GSK3B: variants seen among roughly 807,000 people sequenced by gnomAD.
GSK3B encodes the protein glycogen synthase kinase 3 beta.
GSK3B carries 15 observed loss-of-function variants against 56.4 expected under a neutral mutation model. The ratio of observed to expected loss-of-function variants is 0.27; its 90% CI spans 0.18 to 0.41. The LOEUF (loss-of-function observed/expected upper bound fraction) is 0.41. Ranked by LOEUF, GSK3B falls within the 10% of genes least tolerant of loss-of-function variation. The probability of loss-of-function intolerance (pLI) is 1.00; values close to 1 mark genes in which losing one functional copy is unlikely to be tolerated. For synonymous variants in GSK3B, 181 were observed against 188.9 expected, an observed-to-expected ratio of 0.96 and a Z score of 0.34; for missense variants, 300 against 513.4, an observed-to-expected ratio of 0.58 and a Z score of 4.02.
In GSK3B at chr3:119,935,453, AG is replaced by A. The variant is rs1373548450; in HGVS notation, c.366+11814del. Among the ~76,000 whole-genome samples, 3 of 152,174 alleles carry A rather than the reference AG, an allele frequency of 2.0e-5. No individual in the cohort carries two copies. In the East Asian group the frequency reaches 5.8e-4, roughly 29 times the overall value. The stretch of plus-strand genomic sequence containing the variant: ...ACAACAAAATTATTTTTATACTAGG[AG>A]GCTGACCTTGACCTAATCATATATG... On this transcript the variant is annotated intron_variant, in intron 3 of 10. Transcript: ENST00000264235.
At position 119,869,223 on chromosome 3, in the gene GSK3B, C is replaced by CAAAAAAAA. The variant is rs67194724; in HGVS notation, c.910-5626_910-5619dup. On this transcript the variant is annotated intron_variant, in intron 8 of 10. Coordinates refer to ENST00000264235, the MANE Select transcript of GSK3B (RefSeq NM_001146156.2). ...TGGGCAACAGATCAAGATTCCATCT[C>CAAAAAAAA]AAAAAAAAAAAAAAAAAAAAAAACA... Among the ~76,000 whole-genome samples the CAAAAAAAA allele has an allele frequency of 1.5e-3, 82 of 54,792 alleles. 4 individuals carry two copies. The highest frequency in any genetic ancestry group is 2.1e-3 in the Admixed American group (6 of 2,888). 35.9% of individuals were successfully genotyped at this position (54,792 alleles called of 152,430 possible).
At chr3:119,861,007 C>T (rs960089315) in intron 9 of GSK3B, among the ~76,000 whole-genome samples, 1 of 152,192 alleles carries the variant, frequency 6.6e-6, no homozygotes, top group Admixed American at 6.5e-5. Flanking sequence ...TTTAGCTATA[C>T]AACCAAGTGG....
In GSK3B at chr3:120,093,378, C is replaced by A; in HGVS notation, c.57G>T (p.Gln19His). 3 of 1,613,584 alleles carry A rather than the reference C, an allele frequency of 1.9e-6. No individual in the cohort carries two copies. Among genetic ancestry groups the A allele is most frequent in the Non-Finnish European group, 2.5e-6 (3 of 1,179,478 alleles). ...SFAESCKPVQ[Q>H]PSAFGSMKVS... ...CTTTCATGCTGCCAAAAGCTGAAGG[C>A]TGCTGCACCGGCTTGCAGCTCTCCG... Residue 19 changes from glutamine to histidine, a missense_variant, in exon 1 of 11, where the codon CAG (glutamine) becomes CAT (histidine). This residue lies in a region of GSK3B where 53 missense variants were observed against 64.6 expected (regional missense o/e 0.82). Coordinates refer to ENST00000264235, the MANE Select transcript of GSK3B (RefSeq NM_001146156.2).
intron 1 of GSK3B, among the ~76,000 whole-genome samples, chr3:120,068,264 G>A (rs139168580): frequency 0.016 from 2,467 of 151,864 alleles, 34 homozygotes; most frequent in Middle Eastern, 0.068. Context: ...GGTGGCACGC[G>A]CCTGTAATAC....
intron 10 of GSK3B, among the ~76,000 whole-genome samples, chr3:119,829,460 TTATC>T (rs2055565700): frequency 6.6e-6 from 1 of 152,194 alleles, no homozygotes; most frequent in Non-Finnish European, 1.5e-5. Context: ...CATCAGAAAT[TTATC>T]TATCTGTTTG....
At chr3:119,886,614 A>T (rs2056439103) in intron 7 of GSK3B, among the ~76,000 whole-genome samples, 1 of 152,126 alleles carries the variant, frequency 6.6e-6, no homozygotes, top group South Asian at 2.1e-4. Flanking sequence ...AAAGACATGG[A>T]ATCAACCTAG....
intron 1 of GSK3B, among the ~76,000 whole-genome samples, chr3:120,081,543 C>A (rs1264928804): frequency 1.3e-5 from 2 of 152,136 alleles, no homozygotes; most frequent in Non-Finnish European, 2.9e-5. Flanking sequence ...GAGACTCCAT[C>A]TCAAAAAAAC....
intron 1 of GSK3B, among the ~76,000 whole-genome samples, chr3:120,030,613 A>G (rs2057967341): frequency 6.6e-6 from 1 of 152,126 alleles, no homozygotes. Context: ...TTTTCACATG[A>G]TGTTCCCTTT....
At chr3:120,059,009 CAAA>C (rs1358575864) in intron 1 of GSK3B, among the ~76,000 whole-genome samples, 1 of 64,684 alleles carries the variant, frequency 1.5e-5, no homozygotes, top group Non-Finnish European at 3.3e-5. Context: ...GACTCTGTCT[CAAA>C]AAAAAAAAAA....
At chr3:119,938,364 G>A (rs545457954) in intron 3 of GSK3B, among the ~76,000 whole-genome samples, 31 of 151,842 alleles carry the variant, frequency 2.0e-4, no homozygotes, top group African/African-American at 5.8e-4. Flanking sequence ...AAATATAAAC[G>A]CAAAAATCCT....
At chr3:120,068,017 AT>A (rs1401925121) in intron 1 of GSK3B, among the ~76,000 whole-genome samples, 1 of 152,206 alleles carries the variant, frequency 6.6e-6, no homozygotes, top group Admixed American at 6.5e-5. Context: ...CTGTATTTGT[AT>A]TTCTTTGTCT....
intron 1 of GSK3B, among the ~76,000 whole-genome samples, chr3:120,040,272 A>G (rs1226566833): frequency 1.3e-5 from 2 of 152,212 alleles, no homozygotes; most frequent in Non-Finnish European, 2.9e-5. Context: ...TCCTATCGGC[A>G]GTTCCGTGGT....
chr3:119,958,209 A>G (rs1021882676), intron 2 of GSK3B, among the ~76,000 whole-genome samples: 4 of 152,114 alleles, frequency 2.6e-5, no homozygotes, highest in African/African-American at 9.7e-5. Context: ...CCCTTTCGCC[A>G]TGACTGTAAA....
In GSK3B at chr3:120,089,020, C is replaced by T. The variant is rs576896083; in HGVS notation, c.88+4327G>A. Reference sequence around the variant, plus strand: ...TCTGCTGCTGGAATAAAATCTCTGACTTTCCCAGCCTTGCTGTTTCTCCAA... The same window carrying T: ...TCTGCTGCTGGAATAAAATCTCTGATTTTCCCAGCCTTGCTGTTTCTCCAA... On this transcript the variant is annotated intron_variant, in intron 1 of 10. Coordinates refer to ENST00000264235, the MANE Select transcript of GSK3B (RefSeq NM_001146156.2). Among the ~76,000 whole-genome samples the T allele has an allele frequency of 2.6e-5, 4 of 152,366 alleles. No homozygotes were observed. The South Asian group carries it at 8.3e-4, about 32-fold the overall frequency.
intron 2 of GSK3B, among the ~76,000 whole-genome samples, chr3:119,975,400 T>TTGTGCCAAG (rs2057400872): frequency 6.6e-6 from 1 of 152,054 alleles, no homozygotes; most frequent in Non-Finnish European, 1.5e-5. Context: ...TGAGCTAAGA[T>TTGTGCCAAG]TGTGCCACTG....
At chr3:119,921,632 C>T (rs2056840605) in intron 4 of GSK3B, among the ~76,000 whole-genome samples, 1 of 151,902 alleles carries the variant, frequency 6.6e-6, no homozygotes, top group South Asian at 2.1e-4. Context: ...CAACAAAGTT[C>T]AAGAGAGAGA....
intron 7 of GSK3B, 70 bp from the exon 8 acceptor site, chr3:119,876,578 A>G (rs2056316324): frequency 1.2e-6 from 1 of 842,094 alleles, no homozygotes; most frequent in Non-Finnish European, 2.0e-6. Context: ...GTTTTCAGGC[A>G]TTGGATTCAC....
chr3:119,877,138 G>T (rs531536415), intron 7 of GSK3B, among the ~76,000 whole-genome samples: 17 of 152,090 alleles, frequency 1.1e-4, no homozygotes, highest in African/African-American at 3.9e-4. Flanking sequence ...TCATAAAAAA[G>T]ATTACCATAC....
At chr3:119,966,240 G>T (rs76765100) in intron 2 of GSK3B, among the ~76,000 whole-genome samples, 2 of 152,188 alleles carry the variant, frequency 1.3e-5, no homozygotes, top group African/African-American at 4.8e-5. Flanking sequence ...GAAAGGTGAG[G>T]TGAAGTAGCT....
Sources: gnomAD v4.1 joint callset for allele counts (sites outside exome capture counted in the v4.1 genomes callset) on GRCh38, gnomAD v4.1.1 for gene constraint, gnomAD v4.1.1 regional missense constraint, MANE v1.5 for transcripts, NCBI Gene and HGNC (gene_info 2026-07-23, HGNC 2026-07-21) for gene names.